The following UBE2W variants were observed in gnomAD, a reference collection of about 807,000 sequenced individuals.
The protein encoded by UBE2W is ubiquitin conjugating enzyme E2 W, also known as ubiquitin-conjugating enzyme E2 W.
Under a neutral mutation model 27.2 loss-of-function variants are expected in UBE2W, and 18 were observed. That is an observed-to-expected ratio of 0.66 (90% CI 0.46 to 0.98). The LOEUF (loss-of-function observed/expected upper bound fraction) is 0.98. UBE2W is among the 50% of genes least tolerant of loss of function. The probability of loss-of-function intolerance (pLI) is 0.00; values close to 1 mark genes in which losing one functional copy is unlikely to be tolerated. For missense variants in UBE2W, 90 were observed against 180.2 expected (o/e 0.50, Z 2.87); for synonymous variants, 53 against 57.2 (o/e 0.93, Z 0.33).
At position 73,786,803 on chromosome 8, in the gene UBE2W, G is replaced by GA; in HGVS notation, c.*7298dup. The GA allele has an allele frequency of 1.0e-6, 1 of 985,254 alleles. No homozygotes were observed. The highest frequency in any genetic ancestry group is 1.2e-6 in the Non-Finnish European group (1 of 829,924). The allele number at this position is 985,254 out of a possible 1,614,324, so 61.0% of individuals were successfully genotyped here. A position where few individuals can be genotyped will look rare whatever the true frequency, so the allele number is the denominator to read the frequency against. ...TTTAAAGTTACACTCAACAGGACTT[G>GA]AAAAATGCAAGGAGAGGACTACTGA... On this transcript the variant is annotated 3_prime_UTR_variant, in exon 6 of 6. Coordinates refer to ENST00000602593, the MANE Select transcript of UBE2W (RefSeq NM_018299.6).
chr8:73,878,564 T>C (rs1812341179), intron 1 of UBE2W, among the ~76,000 whole-genome samples: 1 of 151,890 alleles, frequency 6.6e-6, no homozygotes, highest in Admixed American at 6.6e-5. Flanking sequence ...TCCCCAACCC[T>C]CCTTTATCAC....
chr8:73,785,590 G>A (rs979417225), downstream of UBE2W, among the ~76,000 whole-genome samples: 1 of 151,832 alleles, frequency 6.6e-6, no homozygotes, highest in Non-Finnish European at 1.5e-5. Context: ...TTCCAACCCT[G>A]GCACCCATCC....
chr8:73,816,075 T>C lies in UBE2W; in HGVS notation c.211-5446A>G, dbSNP rs558326121. On this transcript the variant is annotated intron_variant, in intron 3 of 5. Coordinates refer to ENST00000602593, the MANE Select transcript of UBE2W (RefSeq NM_018299.6). ...AGCTTTCCATTCAATTCTCCCTTTT[T>C]AGTCCTCTCATACACAGCAAGCATC... Among the ~76,000 whole-genome samples the C allele has an allele frequency of 2.0e-4, 30 of 152,350 alleles. 1 individual carries two copies. In the South Asian group the frequency reaches 5.8e-3, roughly 29 times the overall value.
chr8:73,810,200 T>C (rs941831624), intron 4 of UBE2W, among the ~76,000 whole-genome samples: 3 of 152,208 alleles, frequency 2.0e-5, no homozygotes, highest in African/African-American at 7.2e-5. Context: ...CTTTTGGGAA[T>C]AAAATCAGCT....
intron 2 of UBE2W, among the ~76,000 whole-genome samples, chr8:73,829,578 T>C (rs1809988918): frequency 6.9e-6 from 1 of 144,764 alleles, no homozygotes; most frequent in African/African-American, 2.6e-5. Context: ...GTATTACATT[T>C]TTTTTTTTTT....
At chr8:73,835,678 A>G (rs1370077593) in intron 1 of UBE2W, among the ~76,000 whole-genome samples, 2 of 152,184 alleles carry the variant, frequency 1.3e-5, no homozygotes, top group Non-Finnish European at 2.9e-5. Flanking sequence ...CGGGAGGCAG[A>G]GGTTGCAGTG....
chr8:73,868,346 C>A (rs879855241), intron 1 of UBE2W, among the ~76,000 whole-genome samples: 7 of 152,286 alleles, frequency 4.6e-5, no homozygotes, highest in East Asian at 1.9e-4. Flanking sequence ...CCACATACCC[C>A]ACGGGGCCAA....
chr8:73,846,831 A>G (rs927034955), intron 1 of UBE2W, among the ~76,000 whole-genome samples: 6 of 152,226 alleles, frequency 3.9e-5, no homozygotes, highest in Non-Finnish European at 2.9e-5. Context: ...TTAGATTATA[A>G]TAAGTATGTT....
At chr8:73,857,103 T>C (rs896819233) in intron 1 of UBE2W, among the ~76,000 whole-genome samples, 11 of 152,236 alleles carry the variant, frequency 7.2e-5, no homozygotes, top group African/African-American at 2.7e-4. Context: ...TGGGAAACTT[T>C]TTAATTCAAG....
intron 1 of UBE2W, among the ~76,000 whole-genome samples, chr8:73,851,521 T>C (rs1316559275): frequency 1.3e-5 from 2 of 152,182 alleles, no homozygotes; most frequent in South Asian, 4.1e-4. Flanking sequence ...GTGATCTCCT[T>C]GGGACAGTGA....
At position 73,793,963 on chromosome 8, in the gene UBE2W, T is replaced by TA; in HGVS notation, c.*138dup. On this transcript the variant is annotated 3_prime_UTR_variant, in exon 6 of 6. Transcript: ENST00000602593. ...AACATGCGCCCAGAATGCACACGAG[T>TA]AAAAATGCAGTAAAAGGAAGTAGTC... 6 of 1,481,820 alleles carry TA rather than the reference T, an allele frequency of 4.0e-6. No individual in the cohort carries two copies. The South Asian group carries it at 8.3e-5, about 21-fold the overall frequency. The allele number at this position is 1,481,820 out of a possible 1,614,324, so 91.8% of individuals were successfully genotyped here.
chr8:73,857,548 T>TTG (rs754460904), intron 1 of UBE2W, among the ~76,000 whole-genome samples: 20 of 152,226 alleles, frequency 1.3e-4, no homozygotes, highest in Non-Finnish European at 2.6e-4. Context: ...CCAGGCGCAG[T>TTG]GGCTCACACC....
chr8:73,810,717 T>TA lies in UBE2W; in HGVS notation c.211-89dup, dbSNP rs1240048187. ...CTCCACATATAACAAATATTGATTA[T>TA]AAAAAAACAAAAAACCACCAAAATC... is the stretch of plus-strand genomic sequence containing the variant. On this transcript the variant is annotated intron_variant, in intron 3 of 5. Transcript: ENST00000602593. 1.6e-5 allele frequency: 18 copies of TA among 1,147,366 alleles called. No individual in the cohort carries two copies. The Admixed American group carries it at 2.2e-4, about 14-fold the overall frequency. The allele number at this position is 1,147,366 out of a possible 1,614,324, so 71.1% of individuals were successfully genotyped here. A position where few individuals can be genotyped will look rare whatever the true frequency, so the allele number is the denominator to read the frequency against.
intron 5 of UBE2W, among the ~76,000 whole-genome samples, chr8:73,800,251 A>AT (rs2130854718): frequency 6.6e-6 from 1 of 152,344 alleles, no homozygotes; most frequent in African/African-American, 2.4e-5. Flanking sequence ...TACCATCTCA[A>AT]TGTGTAACAA....
intron 2 of UBE2W, 22 bp downstream of exon 2, chr8:73,830,359 C>G: frequency 6.6e-7 from 1 of 1,525,806 alleles, no homozygotes; most frequent in Middle Eastern, 1.7e-4. Context: ...AACAAAGAGC[C>G]CTTTTAAAAT....
At chr8:73,780,558 G>A (rs935874989) in intron 4 of UBE2W, 3 of 447,792 alleles carry the variant, frequency 6.7e-6, no homozygotes, top group African/African-American at 6.0e-5. Context: ...TTTTGAGACA[G>A]TATGTCACTC....
rs117277877 is a variant in UBE2W, at chr8:73,787,925, T to C, written c.*6177A>G. The C allele has an allele frequency of 5.3e-3, 5,243 of 985,352 alleles. 17 individuals carry two copies. Among genetic ancestry groups the C allele is most frequent in the Admixed American group, 6.1e-3 (99 of 16,284 alleles). 61.0% of individuals were successfully genotyped at this position (985,352 alleles called of 1,614,324 possible). A position where few individuals can be genotyped will look rare whatever the true frequency, so the allele number is the denominator to read the frequency against. ...ACACTAAAACTAGCTACATATTACA[T>C]AAAGGTGATGTGTTAAATAGATGGT... On this transcript the variant is annotated 3_prime_UTR_variant, in exon 6 of 6. Transcript: ENST00000602593.
In UBE2W at chr8:73,842,528, CAAAAAAAAAAAAA is replaced by C. The variant is rs759063478; in HGVS notation, c.16-12069_16-12057del. ...TGGGCGACAGAGGGAGACTCCGTCT[CAAAAAAAAAAAAA>C]AAAAAAAAAAAAAAAAAATGACGTG... On this transcript the variant is annotated intron_variant, in intron 1 of 5. Coordinates refer to ENST00000602593, the MANE Select transcript of UBE2W (RefSeq NM_018299.6). Among the ~76,000 whole-genome samples, 53 of 9,676 alleles carry C rather than the reference CAAAAAAAAAAAAA, an allele frequency of 5.5e-3. 1 individual carries two copies. The highest frequency in any genetic ancestry group is 0.05 in the Middle Eastern group (1 of 20). The allele number at this position is 9,676 out of a possible 152,430, so 6.3% of individuals were successfully genotyped here. A position where few individuals can be genotyped will look rare whatever the true frequency, so the allele number is the denominator to read the frequency against.
chr8:73,796,416 T>C (rs1808423499), intron 5 of UBE2W, among the ~76,000 whole-genome samples: 1 of 152,338 alleles, frequency 6.6e-6, no homozygotes, highest in African/African-American at 2.4e-5. Flanking sequence ...AATAAACTTG[T>C]ATCTCCAAAG....
Sources: allele counts gnomAD v4.1 joint callset (sites outside exome capture counted in the v4.1 genomes callset), GRCh38; gene constraint gnomAD v4.1.1; transcripts MANE v1.5; gene names NCBI Gene and HGNC (gene_info 2026-07-23, HGNC 2026-07-21).